The following TNRC6C variants were observed in gnomAD, a reference collection of about 807,000 sequenced individuals.
TNRC6C encodes the protein trinucleotide repeat containing adaptor 6C, also known as trinucleotide repeat-containing gene 6C protein.
A neutral mutation model predicts 153.7 loss-of-function variants in TNRC6C; 20 were observed. The ratio of observed to expected loss-of-function variants is 0.13; its 90% CI spans 0.09 to 0.19. The LOEUF is 0.19. Ranked by LOEUF, TNRC6C falls within the 10% of genes least tolerant of loss-of-function variation. The pLI, the probability that TNRC6C is intolerant of heterozygous loss-of-function variation, is 1.00. For missense variants in TNRC6C, 1,987 were observed against 2,172.0 expected (o/e 0.91, Z 1.69); for synonymous variants, 811 against 841.4 (o/e 0.96, Z 0.63).
In TNRC6C at chr17:78,049,861, CAG is replaced by C; in HGVS notation, c.800_801del (p.Gln267ArgfsTer13). 1.2e-6 allele frequency: 2 copies of C among 1,613,900 alleles called. No individual in the cohort carries two copies. The highest frequency in any genetic ancestry group is 1.7e-6 in the Non-Finnish European group (2 of 1,179,830). On this transcript the variant is annotated frameshift_variant, in exon 3 of 20. Transcript: ENST00000301624. LOFTEE classifies it high-confidence loss of function. This position sits in a 1 kb window ranked among gnomAD's most constrained non-coding sequence, Gnocchi z 4.1. ...AGGAAATAGCAATTCTGGGTTCAGT[CAG>C]GGGAATGGAGACACTGTGAACTCAG... is the stretch of plus-strand genomic sequence containing the variant.
chr17:78,096,623 A>G (rs67487178), intron 16 of TNRC6C, among the ~76,000 whole-genome samples: 10,303 of 152,276 alleles, frequency 0.068, 408 homozygotes, highest in Middle Eastern at 0.1. Flanking sequence ...CTGAGATGCC[A>G]TGGCTTTTCA....
intron 1 of TNRC6C, among the ~76,000 whole-genome samples, chr17:77,974,823 G>C (rs966648385): frequency 1.3e-5 from 2 of 152,142 alleles, no homozygotes; most frequent in Non-Finnish European, 2.9e-5. Context: ...AGAGTTCACC[G>C]AGGAGAAAAC....
intron 11 of TNRC6C, among the ~76,000 whole-genome samples, chr17:78,085,682 G>C (rs139554719): frequency 2.0e-5 from 3 of 152,190 alleles, no homozygotes; most frequent in Non-Finnish European, 4.4e-5. Context: ...CTGCATTTCA[G>C]GTTCTCTCTT....
rs1209768822 is a variant in TNRC6C, at chr17:77,992,251, G to A, written c.-37-11919G>A. Among the ~76,000 whole-genome samples, 2 of 50,522 alleles carry A rather than the reference G, an allele frequency of 4.0e-5. 1 individual carries two copies. Among genetic ancestry groups the A allele is most frequent in the Non-Finnish European group, 6.7e-5 (2 of 29,772 alleles). The allele number at this position is 50,522 out of a possible 152,430, so 33.1% of individuals were successfully genotyped here. A position where few individuals can be genotyped will look rare whatever the true frequency, so the allele number is the denominator to read the frequency against. On this transcript the variant is annotated intron_variant, in intron 1 of 22. Coordinates refer to the TNRC6C transcript ENST00000636222. ...GCGGTGGCTCACGCCTGTAATCCCA[G>A]CACTTTGGGAGGCCGAGACGGGCGG...
At chr17:78,054,460 TACTGCAGACTACTGCACGCC>T (rs1352556402) in intron 3 of TNRC6C, among the ~76,000 whole-genome samples, 1 of 151,594 alleles carries the variant, frequency 6.6e-6, no homozygotes, top group Non-Finnish European at 1.5e-5. Context: ...TACTGTATAC[TACTGCAGACTACTGCACGCC>T]ACTGCAGACT....
exon 2 of TNRC6C, chr17:78,031,754 C>A: frequency 8.1e-7 from 1 of 1,232,264 alleles, no homozygotes; most frequent in Non-Finnish European, 1.0e-6. Flanking sequence ...CCAGTGTGAG[C>A]CCAACCCAGG....
intron 1 of TNRC6C, among the ~76,000 whole-genome samples, chr17:78,023,372 A>G (rs577223752): frequency 2.2e-4 from 33 of 152,298 alleles, no homozygotes; most frequent in African/African-American, 7.2e-4. Flanking sequence ...AAATTTCTGT[A>G]GCTTGCTAAT....
chr17:78,094,728 G>A (rs2073453445), intron 16 of TNRC6C, among the ~76,000 whole-genome samples: 1 of 152,200 alleles, frequency 6.6e-6, no homozygotes, highest in African/African-American at 2.4e-5. Flanking sequence ...GCGTGAGCCA[G>A]TGTGCCTGGC....
At chr17:78,097,135 G>A (rs982138132) in intron 16 of TNRC6C, among the ~76,000 whole-genome samples, 3 of 152,314 alleles carry the variant, frequency 2.0e-5, no homozygotes, top group African/African-American at 7.2e-5. Flanking sequence ...GGATCACTGA[G>A]CCCAGGAGGT....
chr17:78,088,515 C>G (rs932240178), intron 13 of TNRC6C, among the ~76,000 whole-genome samples: 1 of 152,100 alleles, frequency 6.6e-6, no homozygotes, highest in African/African-American at 2.4e-5. Flanking sequence ...AGACACCATA[C>G]TGAGCCATGC....
chr17:78,027,983 C>T (rs2071976480), intron 1 of TNRC6C, among the ~76,000 whole-genome samples: 1 of 151,396 alleles, frequency 6.6e-6, no homozygotes, highest in South Asian at 2.1e-4. Flanking sequence ...GCAAGCTCCA[C>T]CTCCCGGGTT....
intron 1 of TNRC6C, among the ~76,000 whole-genome samples, chr17:78,023,787 C>T (rs962851703): frequency 1.3e-5 from 2 of 151,520 alleles, no homozygotes; most frequent in Non-Finnish European, 2.9e-5. Context: ...GCTTGGGCAA[C>T]GGAAGTGAGA....
At chr17:78,022,020 GTAGGTCTAGCCTTTGGGCCAA>G (rs760443242) in intron 1 of TNRC6C, among the ~76,000 whole-genome samples, 3 of 152,180 alleles carry the variant, frequency 2.0e-5, no homozygotes, top group Non-Finnish European at 2.9e-5. Context: ...CTCTTTTCCT[GTAGGTCTAGCCTTTGGGCCAA>G]AAAGATGCCC....
At chr17:77,992,954 C>G (rs2071274354) in intron 1 of TNRC6C, among the ~76,000 whole-genome samples, 1 of 151,946 alleles carries the variant, frequency 6.6e-6, no homozygotes, top group African/African-American at 2.4e-5. Flanking sequence ...GAGGTAAACT[C>G]TACACTTATT....
At chr17:78,043,653 G>A (rs905258323) in intron 2 of TNRC6C, among the ~76,000 whole-genome samples, 1 of 152,066 alleles carries the variant, frequency 6.6e-6, no homozygotes, top group African/African-American at 2.4e-5. Context: ...TGTTATGCTA[G>A]TAATTACTAG....
At chr17:78,098,915 G>T (rs1301198902) in intron 17 of TNRC6C, among the ~76,000 whole-genome samples, 1 of 152,120 alleles carries the variant, frequency 6.6e-6, no homozygotes, top group Non-Finnish European at 1.5e-5. Flanking sequence ...TTCGCACAGG[G>T]ATCTGGATTT....
intron 13 of TNRC6C, among the ~76,000 whole-genome samples, chr17:78,089,341 G>A (rs2073355427): frequency 6.6e-6 from 1 of 152,140 alleles, no homozygotes; most frequent in African/African-American, 2.4e-5. Context: ...TTTGAAATTA[G>A]TTGAAAAATA....
intron 6 of TNRC6C, 149 bp downstream of exon 8, chr17:78,071,314 C>A: frequency 1.2e-6 from 1 of 800,374 alleles, no homozygotes; most frequent in Non-Finnish European, 2.0e-6. Flanking sequence ...CTTAAATCTC[C>A]CTTTTACCTG....
exon 3 of TNRC6C, chr17:78,050,064 C>G: frequency 6.2e-7 from 1 of 1,610,496 alleles, no homozygotes; most frequent in Non-Finnish European, 8.5e-7. Context: ...CCAGCCGAAG[C>G]ACCTCTAACG....
Sources: allele counts gnomAD v4.1 joint callset (sites outside exome capture counted in the v4.1 genomes callset), GRCh38; gene constraint gnomAD v4.1.1; non-coding constraint Gnocchi (gnomAD v3.1); transcripts MANE v1.5; gene names NCBI Gene and HGNC (gene_info 2026-07-23, HGNC 2026-07-21).